Variants in CRADD observed in about 807,000 individuals in gnomAD.
The protein encoded by CRADD is CARD and death domain containing adaptor protein.
Under a neutral mutation model 15.5 loss-of-function variants are expected in CRADD, and 9 were observed. The observed-to-expected ratio is 0.58, with a 90% CI of 0.35 to 1.01. The LOEUF is 1.01. Among genes scored for constraint, CRADD ranks in the 50% least tolerant of loss-of-function variants. The probability of loss-of-function intolerance (pLI) is 0.02; values close to 1 mark genes in which losing one functional copy is unlikely to be tolerated. For missense variants in CRADD, 227 were observed against 250.3 expected, an observed-to-expected ratio of 0.91 and a Z score of 0.63; for synonymous variants, 118 against 107.6, an observed-to-expected ratio of 1.10 and a Z score of -0.60.
At position 93,825,947 on chromosome 12, in the gene CRADD, C is replaced by T. The variant is rs554430399; in HGVS notation, c.299-24023C>T. On this transcript the variant is annotated intron_variant, in intron 2 of 2. Coordinates refer to ENST00000332896, the MANE Select transcript of CRADD (RefSeq NM_003805.5). ...GAACAAAAAGTGAGACAAATACATC[C>T]CTAGAATCTGACAAGTATTTTTGGA... 3.9e-5 allele frequency among the ~76,000 whole-genome samples: 6 copies of T among 152,314 alleles called. No individual in the cohort carries two copies. The South Asian group carries it at 1.0e-3, about 26-fold the overall frequency.
intron 2 of CRADD, among the ~76,000 whole-genome samples, chr12:93,839,292 C>T (rs991503986): frequency 5.3e-5 from 8 of 152,204 alleles, no homozygotes; most frequent in Admixed American, 2.0e-4. Context: ...ATAGTGACCC[C>T]TCATGGATCT....
intron 2 of CRADD, among the ~76,000 whole-genome samples, chr12:93,844,925 A>G (rs1004527952): frequency 1.3e-5 from 2 of 152,196 alleles, no homozygotes; most frequent in African/African-American, 4.8e-5. Flanking sequence ...AATACAGATC[A>G]ATATGGGAAG....
chr12:93,721,508 A>G (rs1411631454), intron 2 of CRADD, among the ~76,000 whole-genome samples: 1 of 152,132 alleles, frequency 6.6e-6, no homozygotes, highest in East Asian at 1.9e-4. Context: ...CTTTGCCTCC[A>G]TGGAGTCAAC....
At chr12:93,817,387 A>G (rs897976577) in intron 2 of CRADD, among the ~76,000 whole-genome samples, 2 of 152,222 alleles carry the variant, frequency 1.3e-5, no homozygotes, top group African/African-American at 4.8e-5. Flanking sequence ...CTTTACGTCT[A>G]TGACCCTGTT....
At chr12:93,833,764 A>AC (rs1957938723) in intron 2 of CRADD, among the ~76,000 whole-genome samples, 1 of 151,842 alleles carries the variant, frequency 6.6e-6, no homozygotes, top group South Asian at 2.1e-4. Flanking sequence ...TAAAAATGTT[A>AC]TTTTTTCCCC....
intron 2 of CRADD, among the ~76,000 whole-genome samples, chr12:93,820,619 A>C (rs1482131353): frequency 6.6e-6 from 1 of 151,916 alleles, no homozygotes; most frequent in Non-Finnish European, 1.5e-5. Context: ...GACTTTATGC[A>C]GCCCAGGGGC....
At chr12:93,773,627 T>TA (rs1202714866) in intron 2 of CRADD, among the ~76,000 whole-genome samples, 1 of 152,082 alleles carries the variant, frequency 6.6e-6, no homozygotes, top group Non-Finnish European at 1.5e-5. Context: ...GGGACCCAGA[T>TA]ATCTTTCATC....
At chr12:93,731,231 A>G (rs999957101) in intron 2 of CRADD, among the ~76,000 whole-genome samples, 4 of 151,980 alleles carry the variant, frequency 2.6e-5, no homozygotes, top group Non-Finnish European at 5.9e-5. Context: ...TTATTGGTTT[A>G]TTTTTGCTCT....
chr12:93,869,353 C>G (rs1159262168), intron 2 of CRADD, among the ~76,000 whole-genome samples: 1 of 152,036 alleles, frequency 6.6e-6, no homozygotes, highest in Non-Finnish European at 1.5e-5. Context: ...CATTGTCCAG[C>G]ATACAATAAA....
At position 93,749,625 on chromosome 12, in the gene CRADD, T is replaced by G. The variant is rs117399319; in HGVS notation, c.298+70553T>G. Among the ~76,000 whole-genome samples, 347 of 152,264 alleles carry G rather than the reference T, an allele frequency of 2.3e-3. 1 individual carries two copies. The highest frequency in any genetic ancestry group is 4.5e-3 in the Non-Finnish European group (303 of 67,954). ...TTTAGGTTTTCTCTTCAAATCCAAT[T>G]AACTATCATCATTAATTAAAGAATA... On this transcript the variant is annotated intron_variant, in intron 2 of 2. Coordinates refer to ENST00000332896, the MANE Select transcript of CRADD (RefSeq NM_003805.5).
chr12:93,810,653 A>G (rs1957615308), intron 2 of CRADD, among the ~76,000 whole-genome samples: 1 of 149,600 alleles, frequency 6.7e-6, no homozygotes, highest in South Asian at 2.1e-4. Context: ...GTATTATGAC[A>G]TGGTAAATAT....
Position 93,699,786 on chromosome 12 carries a change from T to A in CRADD, c.298+20714T>A, listed in dbSNP as rs368460461. ...CTAAGGAATATAACATTTTAAGTGC[T>A]CGTAGAGTGCTGTGGGCTCTAAAAG... On this transcript the variant is annotated intron_variant, in intron 2 of 2. Transcript: ENST00000332896. Among the ~76,000 whole-genome samples, 46 of 152,324 alleles carry A rather than the reference T, an allele frequency of 3.0e-4. 3 individuals are homozygous for A. The highest frequency in any genetic ancestry group is 1.4e-3 in the Admixed American group (21 of 15,296).
chr12:93,684,990 A>C (rs1374149581), intron 2 of CRADD, among the ~76,000 whole-genome samples: 1 of 152,216 alleles, frequency 6.6e-6, no homozygotes, highest in Non-Finnish European at 1.5e-5. Flanking sequence ...GGCTCGTAGC[A>C]TGACTTTAGT....
At chr12:93,849,928 G>C (rs1958189951) in intron 2 of CRADD, 42 bp from the exon 3 acceptor site, 1 of 1,166,988 alleles carries the variant, frequency 8.6e-7, no homozygotes, top group Non-Finnish European at 1.3e-6. Flanking sequence ...TGATGTGTTT[G>C]TTGCCTTGCT....
At chr12:93,825,724 G>A (rs148592709) in intron 2 of CRADD, among the ~76,000 whole-genome samples, 2 of 152,258 alleles carry the variant, frequency 1.3e-5, no homozygotes, top group African/African-American at 4.8e-5. Context: ...AACCTATTTT[G>A]CTTAACCTCT....
chr12:93,882,222 C>T (rs905909459), intron 2 of CRADD, among the ~76,000 whole-genome samples: 15 of 151,792 alleles, frequency 9.9e-5, no homozygotes, highest in African/African-American at 3.4e-4. Flanking sequence ...GAGTTCGAGA[C>T]CAGCCTGGTC....
At chr12:93,835,045 CA>C (rs1295293536) in intron 2 of CRADD, among the ~76,000 whole-genome samples, 1 of 152,220 alleles carries the variant, frequency 6.6e-6, no homozygotes, top group Non-Finnish European at 1.5e-5. Context: ...GCATCTGAAG[CA>C]AACCATTTTC....
intron 2 of CRADD, among the ~76,000 whole-genome samples, chr12:93,861,184 C>G (rs1188340958): frequency 6.6e-6 from 1 of 152,258 alleles, no homozygotes; most frequent in Non-Finnish European, 1.5e-5. Context: ...GTGGTACAGA[C>G]AACTGTGATG....
chr12:93,702,100 A>G (rs905476802), intron 2 of CRADD, among the ~76,000 whole-genome samples: 2 of 152,182 alleles, frequency 1.3e-5, no homozygotes, highest in African/African-American at 4.8e-5. Context: ...GTCAGGGACT[A>G]TGCCTTGTTC....
Sources: allele counts gnomAD v4.1 joint callset (sites outside exome capture counted in the v4.1 genomes callset), GRCh38; gene constraint gnomAD v4.1.1; transcripts MANE v1.5; gene names NCBI Gene and HGNC (gene_info 2026-07-23, HGNC 2026-07-21).